Variants in HS3ST3A1 observed in about 807,000 individuals in gnomAD.
The protein encoded by HS3ST3A1 is heparan sulfate-glucosamine 3-sulfotransferase 3A1, also known as heparan sulfate glucosamine 3-O-sulfotransferase 3A1.
HS3ST3A1 carries 19 observed loss-of-function variants against 25.7 expected under a neutral mutation model. The observed-to-expected ratio is 0.74, with a 90% CI of 0.52 to 1.08. HS3ST3A1 has a LOEUF of 1.08. HS3ST3A1 is among the 50% of genes least tolerant of loss of function. The pLI is 0.00. For synonymous variants in HS3ST3A1, 226 were observed against 278.6 expected (o/e 0.81, Z 1.88); for missense variants, 459 against 594.3 (o/e 0.77, Z 2.37).
intron 1 of HS3ST3A1, among the ~76,000 whole-genome samples, chr17:13,593,177 A>G (rs971320755): frequency 2.3e-5 from 3 of 133,316 alleles, no homozygotes; most frequent in Admixed American, 9.0e-5. Flanking sequence ...GGCCCTATCT[A>G]TTTTCCCTAT....
chr17:13,523,629 T>C (rs921746312), intron 1 of HS3ST3A1, among the ~76,000 whole-genome samples: 1 of 152,070 alleles, frequency 6.6e-6, no homozygotes, highest in African/African-American at 2.4e-5. Flanking sequence ...CTACAGAAAA[T>C]AGATAAGAGT....
At chr17:13,553,254 G>A (rs527870183) in intron 1 of HS3ST3A1, among the ~76,000 whole-genome samples, 5 of 152,326 alleles carry the variant, frequency 3.3e-5, no homozygotes, top group Admixed American at 2.0e-4. Context: ...TGTTCTGTAA[G>A]TTCACAGGAC....
At chr17:13,533,623 T>C (rs1234352139) in intron 1 of HS3ST3A1, among the ~76,000 whole-genome samples, 1 of 151,946 alleles carries the variant, frequency 6.6e-6, no homozygotes, top group African/African-American at 2.4e-5. Context: ...TCTGATTGCA[T>C]CACGATAGAA....
intron 1 of HS3ST3A1, among the ~76,000 whole-genome samples, chr17:13,558,585 C>T (rs1284552857): frequency 6.6e-6 from 1 of 152,170 alleles, no homozygotes; most frequent in Non-Finnish European, 1.5e-5. Context: ...GACACAGGCA[C>T]ATCTGCCTGT....
intron 1 of HS3ST3A1, among the ~76,000 whole-genome samples, chr17:13,533,385 T>A (rs971517746): frequency 7.9e-5 from 12 of 151,926 alleles, no homozygotes; most frequent in Non-Finnish European, 1.5e-5. Context: ...AAAGGAAATG[T>A]CATCGTCCTA....
chr17:13,504,575 T>C (rs772469399), intron 1 of HS3ST3A1, among the ~76,000 whole-genome samples: 99 of 152,184 alleles, frequency 6.5e-4, no homozygotes, highest in Non-Finnish European at 1.1e-3. Context: ...GTATCCACTT[T>C]GTGAAAATTT....
intron 1 of HS3ST3A1, among the ~76,000 whole-genome samples, chr17:13,543,324 A>C (rs1326603972): frequency 2.0e-5 from 3 of 152,138 alleles, no homozygotes; most frequent in Non-Finnish European, 4.4e-5. Context: ...ATGGTGTCGG[A>C]ACTGAATTGA....
intron 1 of HS3ST3A1, among the ~76,000 whole-genome samples, chr17:13,526,578 C>T (rs1257380195): frequency 6.9e-6 from 1 of 145,896 alleles, no homozygotes; most frequent in Non-Finnish European, 1.5e-5. Flanking sequence ...ATTCTCCTCA[C>T]CTGAGGATAC....
At chr17:13,529,131 A>C (rs1019521330) in intron 1 of HS3ST3A1, among the ~76,000 whole-genome samples, 1 of 152,144 alleles carries the variant, frequency 6.6e-6, no homozygotes, top group African/African-American at 2.4e-5. Flanking sequence ...CAGCCCTAAA[A>C]CAGATATTTT....
chr17:13,500,897 A>G (rs1281748424), intron 1 of HS3ST3A1, among the ~76,000 whole-genome samples: 1 of 152,246 alleles, frequency 6.6e-6, no homozygotes, highest in Middle Eastern at 3.2e-3. Flanking sequence ...AGATGAACGG[A>G]TAAACAAAAT....
Position 13,496,227 on chromosome 17 carries a change from C to T in HS3ST3A1, c.1191G>A (p.Met397Ile). Residue 397 changes from methionine to isoleucine, a missense_variant, in exon 2 of 2, where the codon ATG becomes ATA. Met to Ile is a conservative substitution (Grantham distance 10, BLOSUM62 1). Around this residue, in one of 3 missense-constraint regions of HS3ST3A1, gnomAD observed 46 missense variants for 59.0 expected, o/e 0.78. Coordinates refer to ENST00000284110, the MANE Select transcript of HS3ST3A1 (RefSeq NM_006042.3). ...CATCCCAGCCAAAGTCGTGCCCGGTCATCTGGTAGAACTTGAGGTTGAAAG... is the reference window on the plus strand; with the variant it reads ...CATCCCAGCCAAAGTCGTGCCCGGTTATCTGGTAGAACTTGAGGTTGAAAG... ...YRPFNLKFYQ[M>I]TGHDFGWDG The T allele has an allele frequency of 1.3e-6, 2 of 1,599,610 alleles. No homozygotes were observed. The highest frequency in any genetic ancestry group is 8.5e-7 in the Non-Finnish European group (1 of 1,173,540).
At position 13,601,392 on chromosome 17, in the gene HS3ST3A1, T is replaced by C. The variant is rs1908737126; in HGVS notation, c.-263A>G. ...GTCCGTGCTTAAGAAACCATCGTCT[T>C]AGACTCGCCCAAGTCCTGAGCTTGG... On this transcript the variant is annotated 5_prime_UTR_variant, in exon 1 of 2. Coordinates refer to ENST00000284110, the MANE Select transcript of HS3ST3A1 (RefSeq NM_006042.3). 2.4e-6 allele frequency: 1 copy of C among 416,240 alleles called. No individual in the cohort carries two copies. The highest frequency in any genetic ancestry group is 2.1e-5 in the African/African-American group (1 of 47,676). The allele number at this position is 416,240 out of a possible 1,614,324, so 25.8% of individuals were successfully genotyped here.
At chr17:13,533,742 A>C (rs16948035) in intron 1 of HS3ST3A1, among the ~76,000 whole-genome samples, 2,333 of 152,270 alleles carry the variant, frequency 0.015, 57 homozygotes, top group African/African-American at 0.053. Context: ...CAAAATCTTC[A>C]GTGACATTTA....
chr17:13,596,243 GT>G lies in HS3ST3A1; in HGVS notation c.599+4287del, dbSNP rs1908572428. ...CCAAGCTCTACCAAGTGTTTTTGGTGTTGTTTAATGCCCGGACTATGATCTC... is the reference window on the plus strand; with the variant it reads ...CCAAGCTCTACCAAGTGTTTTTGGTGTGTTTAATGCCCGGACTATGATCTC... On this transcript the variant is annotated intron_variant, in intron 1 of 1. Transcript: ENST00000284110. Among the ~76,000 whole-genome samples, 3 of 152,182 alleles carry G rather than the reference GT, an allele frequency of 2.0e-5. No homozygotes were observed. The South Asian group carries it at 6.2e-4, about 32-fold the overall frequency.
At chr17:13,525,076 G>A (rs1036882959) in intron 1 of HS3ST3A1, among the ~76,000 whole-genome samples, 13 of 152,134 alleles carry the variant, frequency 8.5e-5, no homozygotes, top group Admixed American at 6.5e-5. Flanking sequence ...CTTGGAGTAT[G>A]TATGTATGAG....
chr17:13,579,394 T>C (rs528669239), intron 1 of HS3ST3A1, among the ~76,000 whole-genome samples: 12 of 152,136 alleles, frequency 7.9e-5, no homozygotes, highest in Middle Eastern at 3.4e-3. Flanking sequence ...ATGATTACTA[T>C]GAGATACTCT....
At chr17:13,513,361 A>C (rs556386543) in intron 1 of HS3ST3A1, among the ~76,000 whole-genome samples, 1 of 152,380 alleles carries the variant, frequency 6.6e-6, no homozygotes, top group East Asian at 1.9e-4. Context: ...CCATTTGGAA[A>C]ATAGCAGCTT....
chr17:13,513,214 A>G (rs1905935370), intron 1 of HS3ST3A1, among the ~76,000 whole-genome samples: 1 of 152,172 alleles, frequency 6.6e-6, no homozygotes, highest in Non-Finnish European at 1.5e-5. Flanking sequence ...AACTTTCCAG[A>G]TGAGGCACTT....
At chr17:13,503,807 A>G (rs1905568326) in intron 1 of HS3ST3A1, among the ~76,000 whole-genome samples, 3 of 152,200 alleles carry the variant, frequency 2.0e-5, no homozygotes, top group Admixed American at 2.0e-4. Flanking sequence ...CTTTGGCACT[A>G]TCTACCAAAC....
Sources: allele counts gnomAD v4.1 joint callset (sites outside exome capture counted in the v4.1 genomes callset), GRCh38; gene constraint gnomAD v4.1.1; regional missense constraint gnomAD v4.1.1; transcripts MANE v1.5; gene names NCBI Gene and HGNC (gene_info 2026-07-23, HGNC 2026-07-21).